MYBPC1: variants seen among roughly 807,000 people sequenced by gnomAD.
MYBPC1 encodes the protein myosin-binding protein C, slow-type.
Under a neutral mutation model 147.1 loss-of-function variants are expected in MYBPC1, and 52 were observed. The observed-to-expected ratio is 0.35, with a 90% CI of 0.28 to 0.45. The LOEUF is 0.45. MYBPC1 is among the 20% of genes least tolerant of loss of function. The pLI is 1.00. For missense variants in MYBPC1, 1,228 were observed against 1,440.3 expected (o/e 0.85, Z 2.39); for synonymous variants, 477 against 475.9 (o/e 1.00, Z -0.03).
At chr12:101,618,541 A>G (rs1326164610) in intron 3 of MYBPC1, among the ~76,000 whole-genome samples, 1 of 152,222 alleles carries the variant, frequency 6.6e-6, no homozygotes, top group African/African-American at 2.4e-5. Flanking sequence ...TGTTTGGGCC[A>G]GGCTGCAAGG....
the MYBPC1 span, among the ~76,000 whole-genome samples, chr12:101,691,934 T>C: frequency 1.3e-5 from 2 of 152,212 alleles, no homozygotes; most frequent in African/African-American, 4.8e-5. Flanking sequence ...AGGTACAAAG[T>C]GCTCTGGTTG....
chr12:101,674,458 C>T (rs1899415997), intron 25 of MYBPC1, among the ~76,000 whole-genome samples: 1 of 151,712 alleles, frequency 6.6e-6, no homozygotes, highest in African/African-American at 2.4e-5. Context: ...ACGTACCTGC[C>T]CAAAAAATAA....
chr12:101,597,929 C>G (rs968309945), intron 1 of MYBPC1, among the ~76,000 whole-genome samples: 5 of 151,606 alleles, frequency 3.3e-5, no homozygotes, highest in Admixed American at 2.6e-4. Context: ...TTGATACATT[C>G]ATTTATATAT....
intron 1 of MYBPC1, among the ~76,000 whole-genome samples, chr12:101,612,367 C>G (rs1387550474): frequency 6.6e-6 from 1 of 152,154 alleles, no homozygotes; most frequent in African/African-American, 2.4e-5. Flanking sequence ...CTAAGTCTGA[C>G]TCCATCACAT....
chr12:101,662,285 A>G, intron 20 of MYBPC1, 73 bp from the exon 21 acceptor site: 1 of 1,495,518 alleles, frequency 6.7e-7, no homozygotes, highest in Non-Finnish European at 9.2e-7. Context: ...AATTTTAAGG[A>G]CTTCTATTAT....
chr12:101,618,921 T>C (rs1886773731), intron 3 of MYBPC1, among the ~76,000 whole-genome samples: 1 of 147,388 alleles, frequency 6.8e-6, no homozygotes, highest in African/African-American at 2.5e-5. Flanking sequence ...TAATGGCAAA[T>C]ACATGTATAT....
chr12:101,688,763 C>T (rs1414130930), downstream of MYBPC1, among the ~76,000 whole-genome samples: 1 of 150,012 alleles, frequency 6.7e-6, no homozygotes, highest in Non-Finnish European at 1.5e-5. Flanking sequence ...GAGTTCAAGG[C>T]TAGCCTGGGC....
At chr12:101,636,342 C>T (rs1346226620) in intron 9 of MYBPC1, among the ~76,000 whole-genome samples, 1 of 152,182 alleles carries the variant, frequency 6.6e-6, no homozygotes, top group Non-Finnish European at 1.5e-5. Flanking sequence ...CAGCCCCCAA[C>T]TTGCAAAAAC....
At chr12:101,637,338 T>C (rs1891201846) in intron 10 of MYBPC1, among the ~76,000 whole-genome samples, 1 of 151,800 alleles carries the variant, frequency 6.6e-6, no homozygotes, top group Non-Finnish European at 1.5e-5. Flanking sequence ...CTTTTCATTG[T>C]TCTCTCCTGC....
intron 20 of MYBPC1, among the ~76,000 whole-genome samples, chr12:101,661,896 CA>C (rs66873575): frequency 1.8e-4 from 15 of 83,184 alleles, no homozygotes; most frequent in African/African-American, 1.4e-4. Flanking sequence ...GACTCTGTCT[CA>C]AAAAAAAAAA....
chr12:101,675,311 A>T lies in MYBPC1; in HGVS notation c.2829A>T (p.Gln943His), dbSNP rs374499238. 30 of 1,613,958 alleles carry T rather than the reference A, an allele frequency of 1.9e-5. No homozygotes were observed. The highest frequency in any genetic ancestry group is 2.5e-5 in the Non-Finnish European group (29 of 1,179,978). ...IQIIDRPGPP[Q>H]IVKIEDVWGE... ...CTGTAGACCGTCCAGGTCCACCCCA[A>T]ATTGTGAAGATTGAGGATGTCTGGG... Residue 943 changes from glutamine (Q) to histidine (H), a missense_variant, in exon 26 of 32, where the codon CAA (glutamine) becomes CAT (histidine). Physicochemically the swap from Gln to His is conservative, Grantham distance 24. Transcript: ENST00000361466.
At chr12:101,638,964 G>A (rs994526445) in intron 10 of MYBPC1, among the ~76,000 whole-genome samples, 1 of 142,430 alleles carries the variant, frequency 7.0e-6, no homozygotes, top group African/African-American at 2.5e-5. Context: ...TTTCATTGCG[G>A]TAATGACATA....
At chr12:101,687,099 G>A (rs895872284), downstream of MYBPC1, among the ~76,000 whole-genome samples, 2 of 151,824 alleles carry the variant, frequency 1.3e-5, 1 homozygote, top group Admixed American at 1.3e-4. Context: ...TATACTCTAA[G>A]TTCTAGGGTA....
chr12:101,610,457 A>G (rs999662579), intron 1 of MYBPC1, among the ~76,000 whole-genome samples: 1 of 152,160 alleles, frequency 6.6e-6, no homozygotes, highest in African/African-American at 2.4e-5. Context: ...CAGCTCACAG[A>G]CCTAGAAATA....
intron 3 of MYBPC1, among the ~76,000 whole-genome samples, chr12:101,620,448 G>A (rs1314213888): frequency 6.6e-6 from 1 of 152,190 alleles, no homozygotes; most frequent in Non-Finnish European, 1.5e-5. Flanking sequence ...ACTGGGTCCT[G>A]CCCTCCTGGA....
downstream of MYBPC1, among the ~76,000 whole-genome samples, chr12:101,688,005 A>C (rs910633128): frequency 6.6e-6 from 1 of 152,252 alleles, no homozygotes; most frequent in Non-Finnish European, 1.5e-5. Context: ...GCAAAGAGCA[A>C]AAAATATCAG....
At position 101,659,828 on chromosome 12, in the gene MYBPC1, G is replaced by A; in HGVS notation, c.1924G>A (p.Val642Met). The change falls in exon 19 of 32, where the codon GTG (valine) becomes ATG (methionine). Residue 642 changes from valine to methionine, a missense_variant. Val to Met is a conservative substitution (Grantham distance 21). Transcript: ENST00000361466. ...EAHASIKVKVVDFPDPPVAPT... is the reference protein window; with the variant it reads ...EAHASIKVKVMDFPDPPVAPT... ...ACATGCAAGCATCAAGGTTAAAGTT[G>A]TGGGTAAGTCCTCCAGGTAAACGCA... 1 of 1,614,086 alleles carries A rather than the reference G, an allele frequency of 6.2e-7. No individual in the cohort carries two copies. Among genetic ancestry groups the A allele is most frequent in the Middle Eastern group, 1.6e-4 (1 of 6,062 alleles).
At chr12:101,614,348 A>G in intron 1 of MYBPC1, 148 bp from the exon 2 acceptor site, 3 of 771,738 alleles carry the variant, frequency 3.9e-6, no homozygotes, top group East Asian at 2.7e-5. Context: ...GAGAGAGAGA[A>G]GAGAGAATGT....
chr12:101,640,599 G>A (rs1051016863), intron 10 of MYBPC1, among the ~76,000 whole-genome samples: 1 of 152,172 alleles, frequency 6.6e-6, no homozygotes, highest in African/African-American at 2.4e-5. Context: ...TTATTGGAGA[G>A]ACCAGTGACC....
Sources: allele counts gnomAD v4.1 joint callset (sites outside exome capture counted in the v4.1 genomes callset), GRCh38; gene constraint gnomAD v4.1.1; transcripts MANE v1.5; gene names NCBI Gene and HGNC (gene_info 2026-07-23, HGNC 2026-07-21).